Variants in MDGA2 observed in about 807,000 individuals in gnomAD.
MDGA2 encodes MAM domain-containing glycosylphosphatidylinositol anchor protein 2.
A neutral mutation model predicts 117.8 loss-of-function variants in MDGA2; 40 were observed. That is an observed-to-expected ratio of 0.34 (90% CI 0.26 to 0.44). The LOEUF (loss-of-function observed/expected upper bound fraction) is 0.44, where lower values mean the gene tolerates loss of function less well. MDGA2 is among the 20% of genes least tolerant of loss of function. The pLI is 1.00. For missense variants in MDGA2, 1,123 were observed against 1,250.6 expected (o/e 0.90, Z 1.54); for synonymous variants, 452 against 439.0 (o/e 1.03, Z -0.37).
chr14:47,425,576 A>G (rs1337301301), intron 1 of MDGA2, among the ~76,000 whole-genome samples: 1 of 152,080 alleles, frequency 6.6e-6, no homozygotes, highest in East Asian at 1.9e-4. Flanking sequence ...CAGGAAGTAA[A>G]TTGTTTTCTG....
chr14:47,618,726 A>G (rs1343819537), intron 1 of MDGA2, among the ~76,000 whole-genome samples: 1 of 152,210 alleles, frequency 6.6e-6, no homozygotes, highest in Non-Finnish European at 1.5e-5. Flanking sequence ...AGCTTGGAAC[A>G]TGAACGAAAT....
At chr14:47,056,211 T>G (rs1889669622) in intron 7 of MDGA2, among the ~76,000 whole-genome samples, 1 of 152,160 alleles carries the variant, frequency 6.6e-6, no homozygotes, top group Non-Finnish European at 1.5e-5. Flanking sequence ...TTAATTGGAC[T>G]TAGTCATTTT....
At chr14:47,047,920 T>C (rs552393722) in intron 7 of MDGA2, among the ~76,000 whole-genome samples, 3 of 152,140 alleles carry the variant, frequency 2.0e-5, no homozygotes, top group African/African-American at 7.2e-5. Flanking sequence ...GAAAATGACA[T>C]TTTAGAAAAG....
chr14:47,556,439 C>G (rs1216134853), intron 1 of MDGA2, among the ~76,000 whole-genome samples: 1 of 152,184 alleles, frequency 6.6e-6, no homozygotes, highest in Non-Finnish European at 1.5e-5. Flanking sequence ...TTCATCTGCA[C>G]TTGTTAGAAT....
chr14:46,867,194 A>T (rs1271802269), intron 14 of MDGA2, among the ~76,000 whole-genome samples: 2 of 152,224 alleles, frequency 1.3e-5, no homozygotes, highest in African/African-American at 2.4e-5. Context: ...CACATACACC[A>T]TGGAATACTA....
At chr14:47,304,809 C>T (rs1889391126) in intron 1 of MDGA2, among the ~76,000 whole-genome samples, 1 of 152,130 alleles carries the variant, frequency 6.6e-6, no homozygotes, top group African/African-American at 2.4e-5. Context: ...ATCAGGCTAT[C>T]CTCAGTGAGA....
chr14:47,431,400 T>G (rs1892796199), intron 1 of MDGA2, among the ~76,000 whole-genome samples: 1 of 151,966 alleles, frequency 6.6e-6, no homozygotes, highest in African/African-American at 2.4e-5. Flanking sequence ...TGAGTAAAAA[T>G]AAAATTATGA....
At chr14:47,244,438 C>T (rs1376110016) in intron 2 of MDGA2, among the ~76,000 whole-genome samples, 1 of 151,710 alleles carries the variant, frequency 6.6e-6, no homozygotes, top group Non-Finnish European at 1.5e-5. Context: ...TATTGGAAGG[C>T]CTATCTCTGG....
chr14:47,065,044 T>G (rs934873786), intron 6 of MDGA2, among the ~76,000 whole-genome samples: 2 of 152,068 alleles, frequency 1.3e-5, no homozygotes, highest in African/African-American at 4.8e-5. Context: ...AACACCAGCC[T>G]GAGAGAACAT....
At chr14:47,379,284 T>C (rs1051128768) in intron 1 of MDGA2, among the ~76,000 whole-genome samples, 26 of 152,126 alleles carry the variant, frequency 1.7e-4, no homozygotes, top group Admixed American at 2.6e-4. Flanking sequence ...AGACCATCGA[T>C]GCTAGGAAGA....
chr14:47,523,779 T>G (rs1894918544), intron 1 of MDGA2, among the ~76,000 whole-genome samples: 1 of 152,202 alleles, frequency 6.6e-6, no homozygotes, highest in African/African-American at 2.4e-5. Context: ...CAGAGATATC[T>G]GTTTTTATTT....
chr14:47,107,131 A>G (rs1250569916), intron 5 of MDGA2, among the ~76,000 whole-genome samples: 6 of 149,126 alleles, frequency 4.0e-5, no homozygotes, highest in African/African-American at 1.3e-4. Flanking sequence ...ACCCCTTACC[A>G]TCTCATTAAA....
intron 15 of MDGA2, among the ~76,000 whole-genome samples, chr14:46,849,031 T>C (rs2138281557): frequency 6.6e-6 from 1 of 152,166 alleles, no homozygotes. Flanking sequence ...CATTTTGTCA[T>C]TGATAAAGCA....
rs1347902322 is a variant in MDGA2, at chr14:47,301,291, C to CCA, written c.420+118_420+119dup. On this transcript the variant is annotated intron_variant, in intron 2 of 16. Transcript: ENST00000399232. ...GAGTTACACACACACACACCCACAC[C>CCA]CACCCACACACACACACACACACAC... 325 of 869,796 alleles carry CCA rather than the reference C, an allele frequency of 3.7e-4. 1 individual carries two copies. The South Asian group carries it at 5.5e-3, about 15-fold the overall frequency. 53.9% of individuals were successfully genotyped at this position (869,796 alleles called of 1,614,324 possible).
intron 8 of MDGA2, among the ~76,000 whole-genome samples, chr14:46,987,212 G>A (rs1476862449): frequency 6.6e-6 from 1 of 151,938 alleles, no homozygotes; most frequent in Non-Finnish European, 1.5e-5. Context: ...ATATGCCCAC[G>A]GTGACTCTTT....
At chr14:47,423,810 T>C (rs1892629500) in intron 1 of MDGA2, among the ~76,000 whole-genome samples, 2 of 151,878 alleles carry the variant, frequency 1.3e-5, no homozygotes, top group Non-Finnish European at 2.9e-5. Flanking sequence ...TTTTATTTTA[T>C]TTTATTTTAC....
At chr14:46,876,103 T>C (rs911931700) in intron 12 of MDGA2, among the ~76,000 whole-genome samples, 6 of 151,496 alleles carry the variant, frequency 4.0e-5, no homozygotes, top group Non-Finnish European at 7.4e-5. Flanking sequence ...TTATTTTATA[T>C]GGTGTAAGTT....
intron 9 of MDGA2, among the ~76,000 whole-genome samples, chr14:46,929,927 C>T (rs12889972): frequency 0.54 from 80,698 of 149,946 alleles, 22,112 homozygotes; most frequent in South Asian, 0.59. Flanking sequence ...TGAGCCACTG[C>T]GCCCGGCCCA....
At chr14:47,138,728 TA>T (rs1285596367) in intron 4 of MDGA2, among the ~76,000 whole-genome samples, 12 of 152,210 alleles carry the variant, frequency 7.9e-5, no homozygotes. Context: ...TAGATATCAG[TA>T]AAAACTAAAG....
Sources: allele counts gnomAD v4.1 joint callset (sites outside exome capture counted in the v4.1 genomes callset), GRCh38; gene constraint gnomAD v4.1.1; transcripts MANE v1.5; gene names NCBI Gene and HGNC (gene_info 2026-07-23, HGNC 2026-07-21).